Variants in ZNF880 observed in about 807,000 individuals in gnomAD.
ZNF880 encodes the protein zinc finger protein LOC400713.
In ZNF880, 12 loss-of-function variants were observed where a neutral mutation model predicts 11.8. The ratio of observed to expected loss-of-function variants is 1.02; its 90% CI spans 0.65 to 1.65. The LOEUF (loss-of-function observed/expected upper bound fraction) is 1.65, where lower values mean the gene tolerates loss of function less well. Ranked by LOEUF, ZNF880 falls within the 40% of genes most tolerant of loss-of-function variation. The pLI is 0.00. For synonymous variants in ZNF880, 210 were observed against 232.4 expected (o/e 0.90, Z 0.88); for missense variants, 601 against 673.9 (o/e 0.89, Z 1.20).
chr19:52,379,509 C>T (rs1017757866), intron 3 of ZNF880: 2 of 447,754 alleles, frequency 4.5e-6, no homozygotes, highest in Non-Finnish European at 9.0e-6. Context: ...AATTCTTCTG[C>T]ATCGGCCTCC....
At chr19:52,370,243 C>T (rs1055769337) in intron 1 of ZNF880, 4 of 515,360 alleles carry the variant, frequency 7.8e-6, no homozygotes, top group Non-Finnish European at 1.0e-5. Context: ...CCTTCAGTGA[C>T]CCCTAGACAC....
intron 1 of ZNF880, among the ~76,000 whole-genome samples, chr19:52,371,522 C>G (rs559656962): frequency 6.6e-6 from 1 of 152,066 alleles, no homozygotes; most frequent in Admixed American, 6.6e-5. Context: ...ATTACAGGTG[C>G]CCACCAGTAC....
chr19:52,380,182 G>A (rs996718748), intron 3 of ZNF880: 6 of 152,212 alleles, frequency 3.9e-5, no homozygotes, highest in African/African-American at 1.4e-4. Context: ...TTACAGGCGT[G>A]AGCCACCGTA....
At position 52,385,078 on chromosome 19, in the gene ZNF880, G is replaced by C. The variant is rs920391063; in HGVS notation, c.1498G>C (p.Val500Leu). Residue 500 changes from valine (V) to leucine (L), a missense_variant, in exon 4 of 4, where the codon GTC becomes CTC. Coordinates refer to ENST00000422689, the MANE Select transcript of ZNF880 (RefSeq NM_001145434.2). ...KPYKCSECHK[V>L]FSHNSHLARH... ...TTACAAATGCAGTGAATGTCACAAAGTCTTTAGTCACAATTCACACCTTGC... is the reference window on the plus strand; with the variant it reads ...TTACAAATGCAGTGAATGTCACAAACTCTTTAGTCACAATTCACACCTTGC... 3 of 1,559,868 alleles carry C rather than the reference G, an allele frequency of 1.9e-6. No homozygotes were observed. Among genetic ancestry groups the C allele is most frequent in the African/African-American group, 2.8e-5 (2 of 72,646 alleles).
downstream of ZNF880, among the ~76,000 whole-genome samples, chr19:52,386,616 A>G (rs962610015): frequency 1.1e-4 from 15 of 142,798 alleles, 4 homozygotes; most frequent in African/African-American, 3.8e-4. Flanking sequence ...AGCCTGGTCA[A>G]TATCTCCAAA....
chr19:52,368,762 C>T (rs1986239570), upstream of ZNF880, among the ~76,000 whole-genome samples: 1 of 151,880 alleles, frequency 6.6e-6, no homozygotes, highest in South Asian at 2.1e-4. Context: ...CATTTCTTCC[C>T]TGTTTTGCTC....
intron 2 of ZNF880, among the ~76,000 whole-genome samples, chr19:52,373,987 A>T (rs1986476100): frequency 6.6e-6 from 1 of 151,906 alleles, no homozygotes; most frequent in South Asian, 2.1e-4. Flanking sequence ...TTCTTGATTC[A>T]TTTATAATAT....
At chr19:52,379,617 G>A (rs575933001) in intron 3 of ZNF880, 36 of 315,204 alleles carry the variant, frequency 1.1e-4, no homozygotes, top group Non-Finnish European at 2.2e-4. Context: ...CTAGATGGCA[G>A]TGGTGCAGTT....
rs922634077 is a variant in ZNF880 at position 52,383,932 on chromosome 19, G to T, written c.352G>T (p.Glu118Ter). ...LGLTFQLHLS[E>*]LQLFQAERNI... The stretch of plus-strand genomic sequence containing the variant: ...ATTAACCTTTCAGTTACATCTGAGT[G>T]AACTGCAGCTATTTCAAGCTGAAAG... Residue 118 changes from glutamate to a stop codon, truncating the protein, a stop_gained, in exon 4 of 4, where the codon GAA (glutamate) becomes TAA (stop). Coordinates refer to ENST00000422689, the MANE Select transcript of ZNF880 (RefSeq NM_001145434.2). LOFTEE classifies it low-confidence loss of function (END_TRUNC). 29 of 1,559,712 alleles carry T rather than the reference G, an allele frequency of 1.9e-5. No homozygotes were observed. The highest frequency in any genetic ancestry group is 2.4e-5 in the Non-Finnish European group (28 of 1,151,180).
chr19:52,382,333 A>G (rs937926889), intron 3 of ZNF880, among the ~76,000 whole-genome samples: 1 of 152,046 alleles, frequency 6.6e-6, no homozygotes, highest in African/African-American at 2.4e-5. Context: ...GTAATAATAA[A>G]TATCTCTATA....
chr19:52,386,123 T>C (rs1986879347), downstream of ZNF880, among the ~76,000 whole-genome samples: 1 of 128,172 alleles, frequency 7.8e-6, no homozygotes, highest in Non-Finnish European at 1.6e-5. Flanking sequence ...TGCAGTGAGC[T>C]ATCACGCCAC....
chr19:52,380,506 TAAATG>T (rs1986677654), intron 3 of ZNF880, among the ~76,000 whole-genome samples: 1 of 135,264 alleles, frequency 7.4e-6, no homozygotes, highest in Admixed American at 7.7e-5. Context: ...ATAATAATAT[TAAATG>T]AAATCTTTTT....
chr19:52,383,620 C>T (rs915317231), intron 3 of ZNF880, among the ~76,000 whole-genome samples: 1 of 152,154 alleles, frequency 6.6e-6, no homozygotes, highest in Non-Finnish European at 1.5e-5. Context: ...TTTTTCTGCT[C>T]ATAATCTCTC....
chr19:52,375,353 AT>A (rs376394654), intron 3 of ZNF880, among the ~76,000 whole-genome samples: 11 of 146,700 alleles, frequency 7.5e-5, no homozygotes, highest in Non-Finnish European at 6.0e-5. Flanking sequence ...AGCCTGGCTA[AT>A]TTTTTTTTTG....
Position 52,385,122 on chromosome 19 carries a change from T to A in ZNF880, c.1542T>A (p.His514Gln). 2 of 1,556,522 alleles carry A rather than the reference T, an allele frequency of 1.3e-6. No individual in the cohort carries two copies. ...NSHLARHRQI[H>Q]TGEKSYKCNE... ...ACCTTGCACGACATAGGCAAATTCA[T>A]ACTGGAGAGAAGTCTTACAAATGCA... Residue 514 changes from histidine (H) to glutamine (Q), a missense_variant, in exon 4 of 4, where the codon CAT (histidine) becomes CAA (glutamine). By Grantham distance (24) the His-to-Gln change is conservative. Coordinates refer to ENST00000422689, the MANE Select transcript of ZNF880 (RefSeq NM_001145434.2).
downstream of ZNF880, among the ~76,000 whole-genome samples, chr19:52,388,385 C>T (rs527997996): frequency 1.8e-4 from 26 of 146,250 alleles, no homozygotes; most frequent in South Asian, 1.1e-3. Flanking sequence ...CGGGTTCAAA[C>T]GGCTGCCTCA....
At chr19:52,368,543 T>C (rs1038816824), upstream of ZNF880, among the ~76,000 whole-genome samples, 1 of 151,434 alleles carries the variant, frequency 6.6e-6, no homozygotes, top group Non-Finnish European at 1.5e-5. Flanking sequence ...CTTTTCCAGC[T>C]GGTCCAAAAG....
chr19:52,377,933 C>T (rs1304793413), intron 3 of ZNF880, among the ~76,000 whole-genome samples: 1 of 152,166 alleles, frequency 6.6e-6, no homozygotes. Flanking sequence ...GCAATCTCCG[C>T]CTCCTGGTTC....
intron 3 of ZNF880, among the ~76,000 whole-genome samples, chr19:52,378,112 G>A (rs1986606198): frequency 1.3e-5 from 2 of 152,108 alleles, no homozygotes; most frequent in South Asian, 4.1e-4. Flanking sequence ...GCCCAGTCCA[G>A]GGAACCTACA....
Sources: gnomAD v4.1 joint callset for allele counts (sites outside exome capture counted in the v4.1 genomes callset) on GRCh38, gnomAD v4.1.1 for gene constraint, MANE v1.5 for transcripts, NCBI Gene and HGNC (gene_info 2026-07-23, HGNC 2026-07-21) for gene names.